MIPEP: variants seen among roughly 807,000 people sequenced by gnomAD.
MIPEP encodes mitochondrial intermediate peptidase.
MIPEP carries 79 observed loss-of-function variants against 90.3 expected under a neutral mutation model. That is an observed-to-expected ratio of 0.87 (90% CI 0.73 to 1.05). MIPEP has a LOEUF of 1.05. Ranked by LOEUF, MIPEP falls within the 50% of genes least tolerant of loss-of-function variation. MIPEP has a pLI of 0.00. For missense variants in MIPEP, 940 were observed against 905.6 expected (o/e 1.04, Z -0.49); for synonymous variants, 334 against 315.8 (o/e 1.06, Z -0.61).
chr13:23,870,150 T>A lies in MIPEP; in HGVS notation c.649A>T (p.Ser217Cys), dbSNP rs1870724260. ...AAATTGGTTCCCATAAGAAATGTACTACTCAAATCCAAGATTTTAACATTG... is the reference window on the plus strand; with the variant it reads ...AAATTGGTTCCCATAAGAAATGTACAACTCAAATCCAAGATTTTAACATTG... ...DLNVKILDLS[S>C]TFLMGTNFPN... Residue 217 changes from serine (S) to cysteine (C), a missense_variant, in exon 6 of 19, where the codon AGT (serine) becomes TGT (cysteine). Physicochemically the swap from Ser to Cys is moderately radical, Grantham distance 112. Transcript: ENST00000382172. The A allele has an allele frequency of 4.3e-6, 7 of 1,609,252 alleles. No individual in the cohort carries two copies. The highest frequency in any genetic ancestry group is 5.1e-6 in the Non-Finnish European group (6 of 1,177,722).
chr13:23,836,400 T>C (rs1441209617), intron 13 of MIPEP, 51 bp from the exon 14 acceptor site: 2 of 1,128,996 alleles, frequency 1.8e-6, no homozygotes, highest in South Asian at 1.8e-5. Context: ...AATATATTTA[T>C]CTACTTTTTG....
Position 23,746,984 on chromosome 13 carries a change from G to C in MIPEP, c.2044+9561C>G, listed in dbSNP as rs118136129. 1.0e-3 allele frequency among the ~76,000 whole-genome samples: 156 copies of C among 152,298 alleles called. 3 individuals carry two copies. In the East Asian group the frequency reaches 0.029, roughly 28 times the overall value. ...TCAAAACAAGCACTACCCACCAAAA[G>C]TAACGGTGACAAAACAGAAGTTGAA... On this transcript the variant is annotated intron_variant, in intron 18 of 18. Transcript: ENST00000382172.
intron 10 of MIPEP, among the ~76,000 whole-genome samples, chr13:23,848,157 G>C (rs1869628786): frequency 6.6e-6 from 1 of 152,152 alleles, no homozygotes; most frequent in Non-Finnish European, 1.5e-5. Flanking sequence ...ATACTTTCCA[G>C]GCTCCATTAA....
At chr13:23,888,199 G>T (rs367600203) in intron 1 of MIPEP, 45,261 of 387,278 alleles carry the variant, frequency 0.12, 3,053 homozygotes, top group African/African-American at 0.15. Context: ...CTACAAGTAG[G>T]TCTCTTCACA....
chr13:23,862,878 A>C (rs1008355775), intron 8 of MIPEP, among the ~76,000 whole-genome samples: 7 of 152,228 alleles, frequency 4.6e-5, no homozygotes, highest in African/African-American at 1.7e-4. Flanking sequence ...TGATGAAGCT[A>C]TGCTTGCTCT....
intron 1 of MIPEP, among the ~76,000 whole-genome samples, chr13:23,887,669 A>G (rs1871561956): frequency 6.6e-6 from 1 of 152,166 alleles, no homozygotes; most frequent in African/African-American, 2.4e-5. Context: ...TGAAAGAAAC[A>G]AGTGACCGGA....
intron 9 of MIPEP, among the ~76,000 whole-genome samples, chr13:23,860,605 T>G (rs4770507): frequency 0.94 from 142,953 of 152,148 alleles, 67,187 homozygotes; most frequent in East Asian, 1. Flanking sequence ...AGCTACTGAA[T>G]AATTTTAAAC....
intron 10 of MIPEP, among the ~76,000 whole-genome samples, chr13:23,857,837 A>G (rs1870113221): frequency 1.3e-5 from 2 of 152,232 alleles, no homozygotes; most frequent in South Asian, 4.1e-4. Flanking sequence ...GCTGAAATAA[A>G]TAATTAAGCA....
At chr13:23,851,622 A>AT (rs1869803394) in intron 10 of MIPEP, among the ~76,000 whole-genome samples, 1 of 152,190 alleles carries the variant, frequency 6.6e-6, no homozygotes, top group Non-Finnish European at 1.5e-5. Context: ...AGATCCTGTC[A>AT]GCATCAATCT....
intron 18 of MIPEP, among the ~76,000 whole-genome samples, chr13:23,748,769 A>G (rs1311465076): frequency 2.6e-5 from 4 of 152,194 alleles, no homozygotes. Context: ...ACTTATCCCA[A>G]GCCAAGGCTG....
chr13:23,746,571 T>C (rs1454540900), intron 18 of MIPEP, among the ~76,000 whole-genome samples: 1 of 148,818 alleles, frequency 6.7e-6, no homozygotes, highest in African/African-American at 2.5e-5. Flanking sequence ...GAGGCAGAGG[T>C]TGTAGTGAGC....
chr13:23,755,632 C>G (rs1952483454), intron 18 of MIPEP, among the ~76,000 whole-genome samples: 1 of 152,096 alleles, frequency 6.6e-6, no homozygotes, highest in Non-Finnish European at 1.5e-5. Flanking sequence ...ACATTCATAT[C>G]TTCCTATAAA....
At chr13:23,807,662 A>G (rs1953125613) in intron 15 of MIPEP, among the ~76,000 whole-genome samples, 1 of 152,218 alleles carries the variant, frequency 6.6e-6, no homozygotes, top group African/African-American at 2.4e-5. Flanking sequence ...CGATGCATAA[A>G]GATAATCAGG....
chr13:23,836,699 T>C (rs1176937217), intron 13 of MIPEP, among the ~76,000 whole-genome samples: 1 of 152,262 alleles, frequency 6.6e-6, no homozygotes, highest in Non-Finnish European at 1.5e-5. Flanking sequence ...TGTATTTAAT[T>C]CACTAAATTC....
chr13:23,776,327 G>T (rs934959816), intron 16 of MIPEP, among the ~76,000 whole-genome samples: 11 of 152,044 alleles, frequency 7.2e-5, no homozygotes, highest in African/African-American at 2.7e-4. Context: ...AAGCAACCAG[G>T]ACTAATATAT....
At chr13:23,883,422 C>G (rs113757838) in intron 2 of MIPEP, among the ~76,000 whole-genome samples, 111 of 152,060 alleles carry the variant, frequency 7.3e-4, no homozygotes, top group Non-Finnish European at 1.4e-3. Context: ...GCCAAGTCAC[C>G]CCTCAGTATC....
At chr13:23,773,254 C>T (rs992237072) in intron 16 of MIPEP, among the ~76,000 whole-genome samples, 4 of 152,128 alleles carry the variant, frequency 2.6e-5, no homozygotes, top group African/African-American at 9.7e-5. Flanking sequence ...TCTAGTTTGT[C>T]GCACCGAGCG....
At chr13:23,774,123 C>A (rs538274352) in intron 16 of MIPEP, among the ~76,000 whole-genome samples, 1 of 152,240 alleles carries the variant, frequency 6.6e-6, no homozygotes, top group Non-Finnish European at 1.5e-5. Flanking sequence ...AGGTAGGAGT[C>A]CAATTTCATT....
At chr13:23,737,154 C>T (rs1173589914) in intron 18 of MIPEP, among the ~76,000 whole-genome samples, 1 of 152,248 alleles carries the variant, frequency 6.6e-6, no homozygotes, top group African/African-American at 2.4e-5. Context: ...GCACACTTTA[C>T]AAGCAGTCAC....
Sources: allele counts gnomAD v4.1 joint callset (sites outside exome capture counted in the v4.1 genomes callset), GRCh38; gene constraint gnomAD v4.1.1; transcripts MANE v1.5; gene names NCBI Gene and HGNC (gene_info 2026-07-23, HGNC 2026-07-21).